Variants in B3GALNT2 observed in about 807,000 individuals in gnomAD.
The protein encoded by B3GALNT2 is UDP-GalNAc:beta-1,3-N-acetylgalactosaminyltransferase 2.
In B3GALNT2, 53 loss-of-function variants were observed where a neutral mutation model predicts 61.1. That is an observed-to-expected ratio of 0.87 (90% confidence interval 0.70 to 1.09). The LOEUF is 1.09. B3GALNT2 is among the 50% of genes least tolerant of loss of function. The pLI is 0.00. For synonymous variants in B3GALNT2, 223 were observed against 237.4 expected, an observed-to-expected ratio of 0.94 and a Z score of 0.56; for missense variants, 544 against 623.0, an observed-to-expected ratio of 0.87 and a Z score of 1.35.
intron 1 of B3GALNT2, among the ~76,000 whole-genome samples, chr1:235,502,883 T>G (rs1489252873): frequency 6.6e-6 from 1 of 152,242 alleles, no homozygotes; most frequent in African/African-American, 2.4e-5. Context: ...CTTAGTTCAC[T>G]TCACAAAAAC....
intron 7 of B3GALNT2, chr1:235,465,328 T>C: frequency 3.6e-6 from 1 of 275,902 alleles, no homozygotes; most frequent in Non-Finnish European, 6.8e-6. Context: ...CATTTCCATT[T>C]ATGTGAAATG....
chr1:235,457,953 C>A (rs112394665), intron 8 of B3GALNT2, among the ~76,000 whole-genome samples: 7,070 of 150,338 alleles, frequency 0.047, 386 homozygotes, highest in African/African-American at 0.13. Context: ...GCTGCCCAGG[C>A]TGGAGTGCAG....
At position 235,447,896 on chromosome 1, in the gene B3GALNT2, T is replaced by G. The variant is rs565134431; in HGVS notation, c.*2310A>C. Among the ~76,000 whole-genome samples, 7 of 152,234 alleles carry G rather than the reference T, an allele frequency of 4.6e-5. No individual in the cohort carries two copies. In the East Asian group the frequency reaches 1.4e-3, roughly 29 times the overall value. On this transcript the variant is annotated 3_prime_UTR_variant, in exon 12 of 12. Coordinates refer to ENST00000366600, the MANE Select transcript of B3GALNT2 (RefSeq NM_152490.5). ...CTCAGGCTTTCCCCTAATTACTTAC[T>G]TGGGTAAAGTGACTTGGGTAAAATG...
At chr1:235,442,838 T>C (rs370623097), downstream of B3GALNT2, 3 of 1,613,480 alleles carry the variant, frequency 1.9e-6, no homozygotes, top group Non-Finnish European at 2.5e-6. Context: ...TCTTTTTCTT[T>C]GTTTCTCTTA....
chr1:235,464,033 A>C (rs1572500347), intron 7 of B3GALNT2: 1 of 152,266 alleles, frequency 6.6e-6, no homozygotes, highest in Non-Finnish European at 1.5e-5. Context: ...CTGGATATCC[A>C]CATGCAAAAG....
intron 5 of B3GALNT2, among the ~76,000 whole-genome samples, chr1:235,477,812 G>T (rs527890166): frequency 6.6e-6 from 1 of 152,226 alleles, no homozygotes; most frequent in Non-Finnish European, 1.5e-5. Flanking sequence ...CCTCAATCCA[G>T]ATGAGGAGTA....
chr1:235,498,006 C>T (rs986247271), intron 1 of B3GALNT2, among the ~76,000 whole-genome samples: 1 of 152,096 alleles, frequency 6.6e-6, no homozygotes, highest in Non-Finnish European at 1.5e-5. Context: ...TTCTCTTTTT[C>T]TTGCAGAGGG....
In B3GALNT2 at chr1:235,448,407, G is replaced by A. The variant is rs770742395; in HGVS notation, c.*1799C>T. On this transcript the variant is annotated 3_prime_UTR_variant, in exon 12 of 12. Coordinates refer to ENST00000366600, the MANE Select transcript of B3GALNT2 (RefSeq NM_152490.5). ...TGTCACGTCTTCTCAAAGTTCCTGT[G>A]TCAGACCTTCTGTTGTCCTATGAAA... 3 of 1,614,086 alleles carry A rather than the reference G, an allele frequency of 1.9e-6. No individual in the cohort carries two copies. Among genetic ancestry groups the A allele is most frequent in the Admixed American group, 3.3e-5 (2 of 60,010 alleles).
intron 6 of B3GALNT2, among the ~76,000 whole-genome samples, chr1:235,468,645 A>G (rs704713): frequency 0.74 from 112,510 of 151,564 alleles, 42,945 homozygotes; most frequent in African/African-American, 0.93. Flanking sequence ...TAGAGACGGG[A>G]TTTCACCATG....
chr1:235,452,567 CAG>C (rs1682974415), intron 11 of B3GALNT2: 2 of 147,878 alleles, frequency 1.4e-5, no homozygotes, highest in Non-Finnish European at 3.0e-5. Context: ...TTTTTTGAGA[CAG>C]GGTCTCTCTC....
chr1:235,472,866 A>C (rs1465169299), intron 5 of B3GALNT2, among the ~76,000 whole-genome samples: 1 of 151,602 alleles, frequency 6.6e-6, no homozygotes, highest in Non-Finnish European at 1.5e-5. Context: ...GTTTATAAAC[A>C]TTTTTTTCCC....
chr1:235,499,213 G>A (rs1451311935), intron 1 of B3GALNT2, among the ~76,000 whole-genome samples: 1 of 152,118 alleles, frequency 6.6e-6, no homozygotes, highest in Non-Finnish European at 1.5e-5. Flanking sequence ...ATAAACAGGC[G>A]ATAGGAACTA....
chr1:235,468,056 A>G (rs1683799494), intron 6 of B3GALNT2, among the ~76,000 whole-genome samples: 1 of 152,242 alleles, frequency 6.6e-6, no homozygotes, highest in Non-Finnish European at 1.5e-5. Context: ...CTGGGATTAC[A>G]GGCGTGAGCC....
intron 8 of B3GALNT2, among the ~76,000 whole-genome samples, chr1:235,458,053 G>A (rs752343802): frequency 6.6e-6 from 1 of 151,822 alleles, no homozygotes; most frequent in Non-Finnish European, 1.5e-5. Flanking sequence ...CATTATAGGC[G>A]CTCGCCACCA....
chr1:235,448,912 A>C lies in B3GALNT2; in HGVS notation c.*1294T>G, dbSNP rs564895195. 1.5e-6 allele frequency: 1 copy of C among 676,064 alleles called. No individual in the cohort carries two copies. The highest frequency in any genetic ancestry group is 2.7e-6 in the Non-Finnish European group (1 of 374,444). 41.9% of individuals were successfully genotyped at this position (676,064 alleles called of 1,614,324 possible). A position where few individuals can be genotyped will look rare whatever the true frequency, so the allele number is the denominator to read the frequency against. Reference sequence around the variant, plus strand: ...ACAAGGGATGTATTTTTTGTTGGGAAGTGACCATTTCTAGGCTTATACATA... The same window carrying C: ...ACAAGGGATGTATTTTTTGTTGGGACGTGACCATTTCTAGGCTTATACATA... On this transcript the variant is annotated 3_prime_UTR_variant, in exon 12 of 12. Transcript: ENST00000366600.
downstream of B3GALNT2, chr1:235,442,816 G>C (rs1051735023): frequency 1.3e-6 from 2 of 1,592,902 alleles, no homozygotes; most frequent in African/African-American, 1.3e-5. Context: ...TATAATAGTA[G>C]ATATCAATTA....
chr1:235,440,936 T>G, the B3GALNT2 span: 1 of 152,194 alleles, frequency 6.6e-6, no homozygotes, highest in African/African-American at 2.4e-5. Context: ...CACATTTCGC[T>G]TTTATGTTAT....
chr1:235,477,055 A>AG (rs1684322653), intron 5 of B3GALNT2, among the ~76,000 whole-genome samples: 1 of 151,888 alleles, frequency 6.6e-6, no homozygotes, highest in African/African-American at 2.4e-5. Flanking sequence ...AATAAAAATT[A>AG]GGGGAAAAAA....
intron 9 of B3GALNT2, 87 bp downstream of exon 9, chr1:235,455,472 T>G (rs1228497482): frequency 7.0e-6 from 10 of 1,425,768 alleles, no homozygotes; most frequent in African/African-American, 4.4e-5. Flanking sequence ...CTCAACCACA[T>G]TTTCAAAAAA....
Sources: allele counts gnomAD v4.1 joint callset (sites outside exome capture counted in the v4.1 genomes callset), GRCh38; gene constraint gnomAD v4.1.1; transcripts MANE v1.5; gene names NCBI Gene and HGNC (gene_info 2026-07-23, HGNC 2026-07-21).